The following RAB21 variants were observed in gnomAD, a reference collection of about 807,000 sequenced individuals.
The protein encoded by RAB21 is ras-related protein Rab-21.
RAB21 carries 13 observed loss-of-function variants against 33.1 expected under a neutral mutation model. The ratio of observed to expected loss-of-function variants is 0.39; its 90% CI spans 0.26 to 0.62. The LOEUF is 0.62. Ranked by LOEUF, RAB21 falls within the 20% of genes least tolerant of loss-of-function variation. The pLI, the probability that RAB21 is intolerant of heterozygous loss-of-function variation, is 0.48. For synonymous variants in RAB21, 91 were observed against 103.7 expected (o/e 0.88, Z 0.74); for missense variants, 234 against 279.1 (o/e 0.84, Z 1.15).
intron 1 of RAB21, among the ~76,000 whole-genome samples, chr12:71,765,764 G>C (rs534937144): frequency 3.3e-5 from 5 of 152,066 alleles, no homozygotes; most frequent in Non-Finnish European, 5.9e-5. Context: ...GTAAGTGTAA[G>C]TATTTGGCTT....
At position 71,795,438 on chromosome 12, in the gene RAB21, T is replaced by TA. The variant is rs1883455222; in HGVS notation, c.*9768dup. 2 of 139,768 alleles carry TA rather than the reference T, an allele frequency of 1.4e-5. 1 individual carries two copies. The highest frequency in any genetic ancestry group is 5.0e-4 in the South Asian group (2 of 4,026). 8.7% of individuals were successfully genotyped at this position (139,768 alleles called of 1,614,324 possible). A position where few individuals can be genotyped will look rare whatever the true frequency, so the allele number is the denominator to read the frequency against. On this transcript the variant is annotated 3_prime_UTR_variant, in exon 7 of 7. Coordinates refer to ENST00000261263, the MANE Select transcript of RAB21 (RefSeq NM_014999.4). ...CTTCTACTGACATTTAAAGTCAGCT[T>TA]AAACATCATTAGGGAAGACTATGAC... is the stretch of plus-strand genomic sequence containing the variant.
rs1883347533 is a variant in RAB21, at chr12:71,789,470, C to T, written c.*3797C>T. On this transcript the variant is annotated 3_prime_UTR_variant, in exon 7 of 7. Coordinates refer to ENST00000261263, the MANE Select transcript of RAB21 (RefSeq NM_014999.4). Reference sequence around the variant, plus strand: ...TTAACTTTTAGAATTCATCTTTTGACTTGTTTGCCACTGTAGAGTTTTCAG... The same window carrying T: ...TTAACTTTTAGAATTCATCTTTTGATTTGTTTGCCACTGTAGAGTTTTCAG... 6.6e-6 allele frequency: 1 copy of T among 152,030 alleles called. No individual in the cohort carries two copies. Among genetic ancestry groups the T allele is most frequent in the African/African-American group, 2.4e-5 (1 of 41,410 alleles). 9.4% of individuals were successfully genotyped at this position (152,030 alleles called of 1,614,324 possible).
At position 71,787,764 on chromosome 12, in the gene RAB21, C is replaced by G. The variant is rs977799611; in HGVS notation, c.*2091C>G. 2.6e-5 allele frequency: 4 copies of G among 151,980 alleles called. No homozygotes were observed. Among genetic ancestry groups the G allele is most frequent in the Non-Finnish European group, 5.9e-5 (4 of 68,010 alleles). 9.4% of individuals were successfully genotyped at this position (151,980 alleles called of 1,614,324 possible). On this transcript the variant is annotated 3_prime_UTR_variant, in exon 7 of 7. Coordinates refer to ENST00000261263, the MANE Select transcript of RAB21 (RefSeq NM_014999.4). ...GGGTGGGAAGAGTCAGGGAGATAAG[C>G]TAAAATTGTCTTCTTTTATGGGGTA...
rs921271240 is a variant in RAB21 at position 71,782,166 on chromosome 12, T to C, written c.446+81T>C. ...TATACGTTTTGCTTTACCATTTAGG[T>C]ATTACTCAAATCTCTTAGCATGGAT... On this transcript the variant is annotated intron_variant, in intron 5 of 6. Transcript: ENST00000261263. 14 of 1,301,326 alleles carry C rather than the reference T, an allele frequency of 1.1e-5. No individual in the cohort carries two copies. The Admixed American group carries it at 2.5e-4, about 23-fold the overall frequency. The allele number at this position is 1,301,326 out of a possible 1,614,324, so 80.6% of individuals were successfully genotyped here.
chr12:71,799,206 G>C lies in RAB21; in HGVS notation c.*13533G>C, dbSNP rs989249148. The stretch of plus-strand genomic sequence containing the variant: ...TGGCTGGCCTCTGGTTCCCAGCAGG[G>C]CTCCATGGTGACCAGAGGTTGTAGT... On this transcript the variant is annotated 3_prime_UTR_variant, in exon 7 of 7. Coordinates refer to ENST00000261263, the MANE Select transcript of RAB21 (RefSeq NM_014999.4). 6.6e-6 allele frequency: 1 copy of C among 152,182 alleles called. No homozygotes were observed. The highest frequency in any genetic ancestry group is 1.5e-5 in the Non-Finnish European group (1 of 68,048). The allele number at this position is 152,182 out of a possible 1,614,324, so 9.4% of individuals were successfully genotyped here.
rs112789402 is a variant in RAB21, at chr12:71,794,236, GAAA to G, written c.*8571_*8573del. ...GGCCCTGTCTCAAAAAAAGAAAAAA[GAAA>G]AAAAAAAGTTAAAAGTTGTGGCATG... On this transcript the variant is annotated 3_prime_UTR_variant, in exon 7 of 7. Coordinates refer to ENST00000261263, the MANE Select transcript of RAB21 (RefSeq NM_014999.4). 0.29 allele frequency: 41,829 copies of G among 144,106 alleles called. 8,064 individuals carry two copies. Among genetic ancestry groups the G allele is most frequent in the African/African-American group, 0.52 (20,643 of 39,568 alleles). 8.9% of individuals were successfully genotyped at this position (144,106 alleles called of 1,614,324 possible).
chr12:71,779,788 T>G (rs1385308492), intron 4 of RAB21, among the ~76,000 whole-genome samples: 1 of 152,216 alleles, frequency 6.6e-6, no homozygotes, highest in Non-Finnish European at 1.5e-5. Context: ...GGTGCTTGCT[T>G]TGGTTATTGT....
intron 1 of RAB21, among the ~76,000 whole-genome samples, chr12:71,767,502 TTG>T (rs1000193831): frequency 6.6e-6 from 1 of 152,068 alleles, no homozygotes; most frequent in Non-Finnish European, 1.5e-5. Context: ...TTTTTTTTGT[TTG>T]TTTTGTTTTT....
chr12:71,767,646 G>T (rs139688848), intron 1 of RAB21, among the ~76,000 whole-genome samples: 1 of 152,222 alleles, frequency 6.6e-6, no homozygotes, highest in African/African-American at 2.4e-5. Flanking sequence ...GAAATGTGAA[G>T]ACAAGGCTTG....
rs891704454 is a variant in RAB21, at chr12:71,755,068, G to C, written c.-62G>C. The C allele has an allele frequency of 2.9e-6, 3 of 1,033,280 alleles. No individual in the cohort carries two copies. The African/African-American group carries it at 5.2e-5, about 18-fold the overall frequency. 64.0% of individuals were successfully genotyped at this position (1,033,280 alleles called of 1,614,324 possible). A position where few individuals can be genotyped will look rare whatever the true frequency, so the allele number is the denominator to read the frequency against. On this transcript the variant is annotated 5_prime_UTR_variant, in exon 1 of 7. Transcript: ENST00000261263. ...CTGAGCCGGCCGTGGCTGTGAAGGCGCTGCCGCGGCTGTCGGGAGGGCGGC... is the reference window on the plus strand; with the variant it reads ...CTGAGCCGGCCGTGGCTGTGAAGGCCCTGCCGCGGCTGTCGGGAGGGCGGC...
intron 1 of RAB21, among the ~76,000 whole-genome samples, chr12:71,767,510 T>G (rs919668981): frequency 3.3e-5 from 5 of 152,146 alleles, no homozygotes; most frequent in South Asian, 4.1e-4. Context: ...GTTTGTTTTG[T>G]TTTTGTTTTT....
chr12:71,758,345 T>C (rs1187870735), intron 1 of RAB21, among the ~76,000 whole-genome samples: 1 of 152,172 alleles, frequency 6.6e-6, no homozygotes, highest in East Asian at 1.9e-4. Flanking sequence ...ATTTTATTTT[T>C]AGTAGTTTTC....
In RAB21 at chr12:71,791,535, A is replaced by C. The variant is rs1403430657; in HGVS notation, c.*5862A>C. On this transcript the variant is annotated 3_prime_UTR_variant, in exon 7 of 7. Transcript: ENST00000261263. The stretch of plus-strand genomic sequence containing the variant: ...AGGTATAACTGATGGGGAAAAGTAC[A>C]AGATAAACTAAAACAAGTCTTTATA... 1 of 152,232 alleles carries C rather than the reference A, an allele frequency of 6.6e-6. No individual in the cohort carries two copies. Among genetic ancestry groups the C allele is most frequent in the Non-Finnish European group, 1.5e-5 (1 of 68,040 alleles). The allele number at this position is 152,232 out of a possible 1,614,324, so 9.4% of individuals were successfully genotyped here. A position where few individuals can be genotyped will look rare whatever the true frequency, so the allele number is the denominator to read the frequency against.
At chr12:71,758,293 A>G (rs1488917203) in intron 1 of RAB21, among the ~76,000 whole-genome samples, 4 of 152,020 alleles carry the variant, frequency 2.6e-5, no homozygotes, top group Non-Finnish European at 4.4e-5. Flanking sequence ...TCGGCCTCCC[A>G]AAGTGCTGGG....
At position 71,782,689 on chromosome 12, in the gene RAB21, A is replaced by C. The variant is rs761905023; in HGVS notation, c.535+31A>C. 2.1e-6 allele frequency: 3 copies of C among 1,461,040 alleles called. No individual in the cohort carries two copies. In the South Asian group the frequency reaches 3.9e-5, roughly 19 times the overall value. The allele number at this position is 1,461,040 out of a possible 1,614,324, so 90.5% of individuals were successfully genotyped here. A position where few individuals can be genotyped will look rare whatever the true frequency, so the allele number is the denominator to read the frequency against. On this transcript the variant is annotated intron_variant, in intron 6 of 6. Coordinates refer to ENST00000261263, the MANE Select transcript of RAB21 (RefSeq NM_014999.4). ...TATATTCAGATTTAGTTTGTTTAGA[A>C]ATGGTTTTTGGTTTTTATTTTTTAA... is the stretch of plus-strand genomic sequence containing the variant.
intron 4 of RAB21, among the ~76,000 whole-genome samples, chr12:71,777,128 AC>A (rs1212871482): frequency 6.6e-6 from 1 of 152,176 alleles, no homozygotes; most frequent in African/African-American, 2.4e-5. Flanking sequence ...CATAATTTTC[AC>A]AAAATGAAAA....
At chr12:71,776,544 C>T (rs1883122317) in intron 4 of RAB21, among the ~76,000 whole-genome samples, 1 of 151,586 alleles carries the variant, frequency 6.6e-6, no homozygotes, top group Non-Finnish European at 1.5e-5. Context: ...GTCAAATACC[C>T]CATTTAATAT....
intron 1 of RAB21, among the ~76,000 whole-genome samples, chr12:71,767,599 C>T (rs1239053445): frequency 2.6e-5 from 4 of 151,676 alleles, no homozygotes; most frequent in South Asian, 2.1e-4. Context: ...ATTTATGTTA[C>T]GATATAATAA....
chr12:71,782,976 C>T (rs1467781319), intron 6 of RAB21, among the ~76,000 whole-genome samples: 1 of 151,920 alleles, frequency 6.6e-6, no homozygotes, highest in Non-Finnish European at 1.5e-5. Flanking sequence ...CTGTAACAAC[C>T]TCTTGCAATG....
Sources: allele counts gnomAD v4.1 joint callset (sites outside exome capture counted in the v4.1 genomes callset), GRCh38; gene constraint gnomAD v4.1.1; transcripts MANE v1.5; gene names NCBI Gene and HGNC (gene_info 2026-07-23, HGNC 2026-07-21).